Variants in PDK2 observed in about 807,000 individuals in gnomAD.
The protein encoded by PDK2 is pyruvate dehydrogenase kinase 2.
PDK2 carries 34 observed loss-of-function variants against 50.4 expected under a neutral mutation model. That is an observed-to-expected ratio of 0.68 (90% CI 0.51 to 0.90). PDK2 has a LOEUF of 0.90. Among genes scored for constraint, PDK2 ranks in the 40% least tolerant of loss-of-function variants. PDK2 has a pLI of 0.00. For synonymous variants in PDK2, 232 were observed against 216.0 expected (o/e 1.07, Z -0.65); for missense variants, 377 against 544.5 (o/e 0.69, Z 3.06).
At chr17:50,103,735 TTCCTAGCAGAGGGCAC>T (rs1567712733) in intron 2 of PDK2, among the ~76,000 whole-genome samples, 1 of 152,094 alleles carries the variant, frequency 6.6e-6, no homozygotes, top group Non-Finnish European at 1.5e-5. Context: ...GGGAAGGGCA[TTCCTAGCAGAGGGCAC>T]TGTGTGAACA....
At chr17:50,108,270 G>C (rs1040954611) in intron 7 of PDK2, 38 bp downstream of exon 7, 7 of 1,606,158 alleles carry the variant, frequency 4.4e-6, no homozygotes, top group Non-Finnish European at 6.0e-6. Context: ...CGGGGAGCGT[G>C]AGTAGGGCTG....
At position 50,097,456 on chromosome 17, in the gene PDK2, C is replaced by G; in HGVS notation, c.152C>G (p.Thr51Ser). Residue 51 changes from threonine to serine, a missense_variant, in exon 2 of 11, where the codon ACC becomes AGC. By Grantham distance (58) the Thr-to-Ser change is moderately conservative. Around this residue, in one of 3 missense-constraint regions of PDK2, gnomAD observed 100 missense variants for 115.5 expected, o/e 0.87. Transcript: ENST00000503176. ...AATGCCTGTGAGAAAACCTCCTTCA[C>G]CTTCCTCAGGCAGGAGCTGCCTGTG... ...SSNACEKTSF[T>S]FLRQELPVRL... 6.2e-7 allele frequency: 1 copy of G among 1,613,996 alleles called. No homozygotes were observed.
Position 50,105,978 on chromosome 17 carries a change from C to T in PDK2, c.426C>T (p.Gly142=), listed in dbSNP as rs780922999. Residue 142 remains glycine (G), a synonymous_variant, in exon 4 of 11, where the codon GGC becomes GGT. Transcript: ENST00000503176. ...QGVLEYKDTY[G]DDPVSNQNIQ... ...TGCTTGAGTACAAGGACACCTACGG[C>T]GATGACCCCGTCTCCAACCAGAACA... 6.2e-6 allele frequency: 10 copies of T among 1,612,002 alleles called. No homozygotes were observed. Among genetic ancestry groups the T allele is most frequent in the Admixed American group, 1.7e-5 (1 of 59,700 alleles).
chr17:50,099,060 A>T (rs1264805186), intron 2 of PDK2, among the ~76,000 whole-genome samples: 3 of 151,192 alleles, frequency 2.0e-5, no homozygotes, highest in Admixed American at 1.3e-4. Context: ...ATCTTCATGG[A>T]GCCCAACCAG....
Position 50,105,437 on chromosome 17 carries a change from G to C in PDK2, c.327G>C (p.Leu109=). 1 of 1,613,730 alleles carries C rather than the reference G, an allele frequency of 6.2e-7. No individual in the cohort carries two copies. The highest frequency in any genetic ancestry group is 8.5e-7 in the Non-Finnish European group (1 of 1,179,836). ...LDKDPEDHRT[L]SQFTDALVTI... is the part of the protein sequence containing the mutation. The stretch of plus-strand genomic sequence containing the variant: ...AGGATCCCGAGGACCATCGCACCCT[G>C]AGCCAGTGAGTGGGGGCCCTGGGTG... The change falls in exon 3 of 11, where the codon CTG becomes CTC. Residue 109 remains leucine, a synonymous_variant. Transcript: ENST00000503176.
chr17:50,104,039 G>GC (rs374971538), intron 2 of PDK2, among the ~76,000 whole-genome samples: 72 of 152,174 alleles, frequency 4.7e-4, no homozygotes, highest in Non-Finnish European at 6.5e-4. Context: ...TCTAGGTAGC[G>GC]CCCCCCCTTC....
intron 2 of PDK2, among the ~76,000 whole-genome samples, chr17:50,098,003 GT>G (rs1181501576): frequency 6.6e-6 from 1 of 152,206 alleles, no homozygotes; most frequent in Non-Finnish European, 1.5e-5. Context: ...AAGACAGACT[GT>G]TTTGGATGTT....
At chr17:50,105,755 G>A in intron 3 of PDK2, 130 bp from the exon 4 acceptor site, 1 of 1,277,140 alleles carries the variant, frequency 7.8e-7, no homozygotes, top group Non-Finnish European at 1.1e-6. Flanking sequence ...GGCTTTGGGA[G>A]GAGCAGGGAG....
intron 4 of PDK2, 194 bp from the exon 5 acceptor site, chr17:50,106,600 A>AAAAG (rs1910528785): frequency 1.7e-6 from 1 of 602,858 alleles, no homozygotes; most frequent in African/African-American, 1.9e-5. Flanking sequence ...AGGTTTAAAA[A>AAAAG]CGGCCTAAGC....
intron 3 of PDK2, 81 bp downstream of exon 3, chr17:50,105,523 C>T (rs1910460930): frequency 1.5e-5 from 18 of 1,171,418 alleles, no homozygotes; most frequent in Non-Finnish European, 2.0e-5. Context: ...GGCAGAAGTA[C>T]AGCAGGATGG....
chr17:50,105,840 A>G (rs946798873), intron 3 of PDK2, 45 bp from the exon 4 acceptor site: 1 of 1,594,624 alleles, frequency 6.3e-7, no homozygotes, highest in Non-Finnish European at 8.6e-7. Context: ...AGAAGCGGAG[A>G]AGAGTCTGGG....
intron 2 of PDK2, chr17:50,100,992 G>A (rs1236451620): frequency 6.6e-6 from 1 of 152,310 alleles, no homozygotes; most frequent in Non-Finnish European, 1.5e-5. Flanking sequence ...AGACGGAAAG[G>A]GACAACCCCG....
chr17:50,105,041 C>CAGG (rs1365253120), intron 2 of PDK2, among the ~76,000 whole-genome samples: 2 of 152,208 alleles, frequency 1.3e-5, no homozygotes, highest in Non-Finnish European at 2.9e-5. Context: ...AGTCTCCCTG[C>CAGG]CCCATCTCAG....
In PDK2 at chr17:50,109,376, G is replaced by C; in HGVS notation, c.1059G>C (p.Gly353=). The part of the protein sequence containing the change: ...DLQLFSMEGF[G]TDAVIYLKAL... ...AGCTCTTCTCCATGGAAGGCTTTGGGACCGATGCTGTCATCTATCTCAAGG... is the reference window on the plus strand; with the variant it reads ...AGCTCTTCTCCATGGAAGGCTTTGGCACCGATGCTGTCATCTATCTCAAGG... Residue 353 remains glycine (G), a synonymous_variant, in exon 10 of 11, where the codon GGG becomes GGC. Transcript: ENST00000503176. This position sits in a 1 kb window ranked among gnomAD's most constrained non-coding sequence, Gnocchi z 5.0. 6.2e-7 allele frequency: 1 copy of C among 1,612,142 alleles called. No homozygotes were observed. The highest frequency in any genetic ancestry group is 8.5e-7 in the Non-Finnish European group (1 of 1,178,732).
intron 6 of PDK2, chr17:50,107,907 C>T: frequency 1.8e-6 from 1 of 541,924 alleles, no homozygotes; most frequent in South Asian, 2.0e-5. Flanking sequence ...TCAGGGCTGG[C>T]TCCCCACCCC....
Position 50,110,014 on chromosome 17 carries a change from C to T in PDK2, c.1141C>T (p.His381Tyr). 1.2e-6 allele frequency: 2 copies of T among 1,605,114 alleles called. No homozygotes were observed. The highest frequency in any genetic ancestry group is 2.2e-5 in the South Asian group (2 of 89,216). ...LPVYNKSAWRHYQTIQEAGDW... is the reference protein window; with the variant it reads ...LPVYNKSAWRYYQTIQEAGDW... ...TGTCTACAACAAGTCAGCCTGGCGC[C>T]ACTACCAGACCATCCAGGAGGCCGG... Residue 381 changes from histidine (H) to tyrosine (Y), a missense_variant, in exon 11 of 11, where the codon CAC becomes TAC. His to Tyr is a moderately conservative substitution (Grantham distance 83, BLOSUM62 2). Transcript: ENST00000503176.
intron 2 of PDK2, among the ~76,000 whole-genome samples, chr17:50,102,567 C>G (rs1040375981): frequency 1.3e-5 from 2 of 152,186 alleles, no homozygotes; most frequent in Admixed American, 6.5e-5. Context: ...GTCTCCTCCC[C>G]CTCCTCTCCC....
In PDK2 at chr17:50,095,444, G is replaced by C; in HGVS notation, c.9G>C (p.Trp3Cys). Residue 3 changes from tryptophan (W) to cysteine (C), a missense_variant, in exon 1 of 11, where the codon TGG (tryptophan) becomes TGC (cysteine). Around this residue, in one of 3 missense-constraint regions of PDK2, gnomAD observed 100 missense variants for 115.5 expected, o/e 0.87. Transcript: ENST00000503176. MRWVWALLKNASL... is the reference protein window; with the variant it reads MRCVWALLKNASL... ...TCGCGGCCGCCGCAGCCATGCGCTG[G>C]GTGTGGGCGCTGCTGAAGAATGCGT... The C allele has an allele frequency of 6.2e-7, 1 of 1,601,868 alleles. No individual in the cohort carries two copies. Among genetic ancestry groups the C allele is most frequent in the Non-Finnish European group, 8.5e-7 (1 of 1,174,598 alleles).
intron 2 of PDK2, chr17:50,098,762 A>C (rs923960243): frequency 1.3e-5 from 2 of 152,136 alleles, no homozygotes; most frequent in Admixed American, 1.3e-4. Flanking sequence ...TTGTACACAC[A>C]AGGCTAGGGG....
Sources: gnomAD v4.1 joint callset for allele counts (sites outside exome capture counted in the v4.1 genomes callset) on GRCh38, gnomAD v4.1.1 for gene constraint, gnomAD v4.1.1 regional missense constraint, Gnocchi (gnomAD v3.1) non-coding constraint, MANE v1.5 for transcripts, NCBI Gene and HGNC (gene_info 2026-07-23, HGNC 2026-07-21) for gene names.